ADAMTS14: variants seen among roughly 807,000 people sequenced by gnomAD.
The protein encoded by ADAMTS14 is A disintegrin and metalloproteinase with thrombospondin motifs 14.
In ADAMTS14, 100 loss-of-function variants were observed where a neutral mutation model predicts 128.6. That is an observed-to-expected ratio of 0.78 (90% CI 0.66 to 0.92). The LOEUF (loss-of-function observed/expected upper bound fraction) is 0.92. ADAMTS14 is among the 40% of genes least tolerant of loss of function. ADAMTS14 has a pLI of 0.00. For missense variants in ADAMTS14, 1,562 were observed against 1,658.6 expected (o/e 0.94, Z 1.01); for synonymous variants, 665 against 653.8 (o/e 1.02, Z -0.26).
intron 4 of ADAMTS14, among the ~76,000 whole-genome samples, chr10:70,716,102 C>T (rs547081605): frequency 1.3e-5 from 2 of 152,228 alleles, no homozygotes; most frequent in Non-Finnish European, 2.9e-5. Flanking sequence ...GCCCCGAGGG[C>T]CTGCCTTGGT....
chr10:70,689,417 C>T (rs141670716), intron 2 of ADAMTS14, among the ~76,000 whole-genome samples: 1 of 145,020 alleles, frequency 6.9e-6, no homozygotes, highest in Non-Finnish European at 1.6e-5. Flanking sequence ...CCACAGAGCA[C>T]AAAGGAGGGA....
At chr10:70,742,861 ACT>A (rs1325586760) in intron 12 of ADAMTS14, among the ~76,000 whole-genome samples, 1 of 152,102 alleles carries the variant, frequency 6.6e-6, no homozygotes, top group Non-Finnish European at 1.5e-5. Flanking sequence ...ACCAGAAAGG[ACT>A]CTCTTTCTCC....
chr10:70,717,349 A>G (rs1464957292), intron 4 of ADAMTS14, among the ~76,000 whole-genome samples: 2 of 151,904 alleles, frequency 1.3e-5, no homozygotes, highest in Non-Finnish European at 2.9e-5. Context: ...GGCAATTTGG[A>G]GAGGGGAGGG....
At chr10:70,743,957 C>T (rs1842088904) in intron 13 of ADAMTS14, 109 bp from the exon 14 acceptor site, 2 of 1,414,748 alleles carry the variant, frequency 1.4e-6, no homozygotes, top group South Asian at 2.8e-5. Flanking sequence ...GGGACATCTC[C>T]CAGGCCAGAG....
chr10:70,739,121 T>C lies in ADAMTS14; in HGVS notation c.1748+131T>C, dbSNP rs749146449. ...GTGGGTGGTTGTGTATGCTAACGCA[T>C]GAGGACACAAACTTGTTGGTGGAGG... On this transcript the variant is annotated intron_variant, in intron 11 of 21. Coordinates refer to ENST00000373207, the MANE Select transcript of ADAMTS14 (RefSeq NM_080722.4). The C allele has an allele frequency of 1.6e-5, 18 of 1,152,468 alleles. 1 individual carries two copies. The highest frequency in any genetic ancestry group is 1.5e-4 in the South Asian group (9 of 61,986). The allele number at this position is 1,152,468 out of a possible 1,614,324, so 71.4% of individuals were successfully genotyped here.
chr10:70,708,131 C>T (rs988981495), intron 3 of ADAMTS14, among the ~76,000 whole-genome samples: 1 of 152,138 alleles, frequency 6.6e-6, no homozygotes, highest in African/African-American at 2.4e-5. Context: ...TCCCGGAGTT[C>T]CTCAGATGCC....
chr10:70,680,683 G>A (rs1839776593), intron 2 of ADAMTS14, among the ~76,000 whole-genome samples: 1 of 152,196 alleles, frequency 6.6e-6, no homozygotes, highest in South Asian at 2.1e-4. Flanking sequence ...TGTAGGGCAT[G>A]GTTTATGGCA....
At position 70,730,253 on chromosome 10, in the gene ADAMTS14, T is replaced by C; in HGVS notation, c.1102+4T>C. On this transcript the variant is annotated splice_donor_region_variant and intron_variant, in intron 6 of 21. Transcript: ENST00000373207. ...CGGCAGGACTTTGGGCCCTCAGGTA[T>C]GCAAGGTACTGTATTTGCCATGGCC... The C allele has an allele frequency of 6.2e-7, 1 of 1,613,406 alleles. No homozygotes were observed.
At position 70,688,897 on chromosome 10, in the gene ADAMTS14, GA is replaced by G. The variant is rs1345323705; in HGVS notation, c.523-13414del. 1.9e-3 allele frequency among the ~76,000 whole-genome samples: 110 copies of G among 59,178 alleles called. 35 individuals are homozygous for G. The highest frequency in any genetic ancestry group is 0.014 in the Admixed American group (61 of 4,510). 38.8% of individuals were successfully genotyped at this position (59,178 alleles called of 152,430 possible). On this transcript the variant is annotated intron_variant, in intron 2 of 21. Coordinates refer to ENST00000373207, the MANE Select transcript of ADAMTS14 (RefSeq NM_080722.4). ...GGGGAGGGGGAGGGGGAGGGGGAGG[GA>G]GAGGGAGAGCCTTTGCTTTTAAGCC...
chr10:70,725,510 G>A (rs1841400144), intron 4 of ADAMTS14, among the ~76,000 whole-genome samples: 1 of 152,186 alleles, frequency 6.6e-6, no homozygotes, highest in Non-Finnish European at 1.5e-5. Flanking sequence ...CAGATTTGGT[G>A]ACTGGTGAGA....
intron 13 of ADAMTS14, 30 bp downstream of exon 13, chr10:70,743,711 C>T (rs979964664): frequency 1.6e-5 from 24 of 1,540,600 alleles, no homozygotes; most frequent in Middle Eastern, 1.7e-4. Flanking sequence ...CCCCGACTAC[C>T]GGCACAGGGA....
Position 70,732,274 on chromosome 10 carries a change from A to G in ADAMTS14, c.1123A>G (p.Met375Val). 6.2e-7 allele frequency: 1 copy of G among 1,614,136 alleles called. No homozygotes were observed. The highest frequency in any genetic ancestry group is 8.5e-7 in the Non-Finnish European group (1 of 1,180,024). ...GGCAGGGTATGCACCCGTCACTGGC[A>G]TGTGTCACCCCCTGAGGAGCTGTGC... is the stretch of plus-strand genomic sequence containing the variant. ...GPSGYAPVTG[M>V]CHPLRSCALN... The change falls in exon 7 of 22, where the codon ATG (methionine) becomes GTG (valine). Residue 375 changes from methionine (M) to valine (V), a missense_variant. Coordinates refer to ENST00000373207, the MANE Select transcript of ADAMTS14 (RefSeq NM_080722.4).
chr10:70,676,060 C>G (rs1352915257), intron 2 of ADAMTS14, among the ~76,000 whole-genome samples: 4 of 152,122 alleles, frequency 2.6e-5, no homozygotes, highest in African/African-American at 9.7e-5. Flanking sequence ...GTGCTTTCCA[C>G]CTTTTATCAT....
intron 9 of ADAMTS14, among the ~76,000 whole-genome samples, chr10:70,735,857 C>T (rs946426036): frequency 5.9e-5 from 9 of 152,212 alleles, no homozygotes; most frequent in African/African-American, 1.7e-4. Flanking sequence ...CAGCAGCTGC[C>T]ACCCAGGGCC....
chr10:70,735,421 C>A, intron 9 of ADAMTS14, 120 bp downstream of exon 9: 1 of 1,377,018 alleles, frequency 7.3e-7, no homozygotes, highest in Non-Finnish European at 9.7e-7. Context: ...TGGTGATGGG[C>A]CCACAGACAC....
intron 1 of ADAMTS14, among the ~76,000 whole-genome samples, chr10:70,673,103 G>C (rs946102316): frequency 2.6e-5 from 4 of 152,224 alleles, no homozygotes. Flanking sequence ...CCCCAGGAGA[G>C]AATTTGGGAG....
At chr10:70,682,310 G>A (rs957703522) in intron 2 of ADAMTS14, among the ~76,000 whole-genome samples, 1 of 152,248 alleles carries the variant, frequency 6.6e-6, no homozygotes, top group Non-Finnish European at 1.5e-5. Flanking sequence ...TAAGAGGTTT[G>A]AGTATTGTAG....
intron 17 of ADAMTS14, 42 bp from the exon 18 acceptor site, chr10:70,752,053 G>A (rs773995095): frequency 1.9e-6 from 3 of 1,580,704 alleles, no homozygotes; most frequent in African/African-American, 1.3e-5. Context: ...GCAATGGGGG[G>A]CCTGGCTGGA....
chr10:70,733,652 T>C (rs1306655898), intron 7 of ADAMTS14, among the ~76,000 whole-genome samples: 3 of 151,452 alleles, frequency 2.0e-5, no homozygotes, highest in Non-Finnish European at 2.9e-5. Flanking sequence ...TGTCTGGGAG[T>C]GGTGAACAGC....
Sources: allele counts gnomAD v4.1 joint callset (sites outside exome capture counted in the v4.1 genomes callset), GRCh38; gene constraint gnomAD v4.1.1; transcripts MANE v1.5; gene names NCBI Gene and HGNC (gene_info 2026-07-23, HGNC 2026-07-21).